Variants in KCNH5 observed in about 807,000 individuals in gnomAD.
KCNH5 encodes the protein potassium voltage-gated channel subfamily H member 5, also known as voltage-gated delayed rectifier potassium channel KCNH5.
In KCNH5, 46 loss-of-function variants were observed where a neutral mutation model predicts 96.1. The observed-to-expected ratio is 0.48, with a 90% confidence interval of 0.38 to 0.61. The LOEUF is 0.61. Among genes scored for constraint, KCNH5 ranks in the 20% least tolerant of loss-of-function variants. The pLI is 0.00. For synonymous variants in KCNH5, 439 were observed against 449.8 expected (o/e 0.98, Z 0.30); for missense variants, 907 against 1,225.8 (o/e 0.74, Z 3.88).
Position 62,986,936 on chromosome 14 carries a change from T to C in KCNH5, c.549+136A>G, listed in dbSNP as rs560415761. 19 of 644,584 alleles carry C rather than the reference T, an allele frequency of 2.9e-5. No homozygotes were observed. In the South Asian group the frequency reaches 3.4e-4, roughly 12 times the overall value. 39.9% of individuals were successfully genotyped at this position (644,584 alleles called of 1,614,324 possible). On this transcript the variant is annotated intron_variant, in intron 5 of 10. Transcript: ENST00000322893. ...AATAGAAATATTTGGGATTTCTATA[T>C]TTCTACAAGGGAAACATAAATTATC...
chr14:62,902,813 G>A (rs1016940982), intron 7 of KCNH5, among the ~76,000 whole-genome samples: 1 of 151,752 alleles, frequency 6.6e-6, no homozygotes. Flanking sequence ...TCTACCTCCA[G>A]GGTTCAAGCG....
chr14:62,981,331 T>C, intron 5 of KCNH5, 67 bp from the exon 6 acceptor site: 1 of 1,479,432 alleles, frequency 6.8e-7, no homozygotes, highest in Non-Finnish European at 9.3e-7. Context: ...TGAATTCAAA[T>C]CTACTGGCAG....
chr14:62,892,673 G>A (rs1336407963), intron 7 of KCNH5, among the ~76,000 whole-genome samples: 2 of 152,190 alleles, frequency 1.3e-5, no homozygotes, highest in African/African-American at 2.4e-5. Context: ...AGTTAATGCA[G>A]CCAGTGACTT....
chr14:62,938,808 G>A (rs1014064280), intron 7 of KCNH5, among the ~76,000 whole-genome samples: 8 of 152,276 alleles, frequency 5.3e-5, no homozygotes, highest in East Asian at 1.9e-4. Flanking sequence ...TGACTAAAAC[G>A]TCTGTTCTAA....
In KCNH5 at chr14:62,707,590, G is replaced by T. The variant is rs1315039700; in HGVS notation, c.2885C>A (p.Pro962His). 2.0e-6 allele frequency: 3 copies of T among 1,532,948 alleles called. No homozygotes were observed. The highest frequency in any genetic ancestry group is 2.0e-5 in the Admixed American group (1 of 49,910). 95.0% of individuals were successfully genotyped at this position (1,532,948 alleles called of 1,614,324 possible). ...SPKSQMPLQVPPQIPCQDIFS... is the reference protein window; with the variant it reads ...SPKSQMPLQVHPQIPCQDIFS... ...AATATCCTGACATGGTATCTGGGGGGGTACTTGGAGTGGCATTTGGGATTT... is the reference window on the plus strand; with the variant it reads ...AATATCCTGACATGGTATCTGGGGGTGTACTTGGAGTGGCATTTGGGATTT... The change falls in exon 11 of 11, where the codon CCC (proline) becomes CAC (histidine). Residue 962 changes from proline (P) to histidine (H), a missense_variant. Physicochemically the swap from Pro to His is moderately conservative, Grantham distance 77. This residue lies in a region of KCNH5 where 362 missense variants were observed against 394.4 expected (regional missense o/e 0.92). Transcript: ENST00000322893.
chr14:62,780,995 T>C (rs2139976849), intron 9 of KCNH5, among the ~76,000 whole-genome samples: 1 of 151,530 alleles, frequency 6.6e-6, no homozygotes, highest in South Asian at 2.1e-4. Context: ...CAGATTAAAA[T>C]CAGAACTAAC....
At chr14:63,036,202 A>T (rs1372248985) in intron 1 of KCNH5, among the ~76,000 whole-genome samples, 1 of 152,218 alleles carries the variant, frequency 6.6e-6, no homozygotes, top group African/African-American at 2.4e-5. Flanking sequence ...TTAATGAGGC[A>T]GCTCTTTCCT....
chr14:62,967,073 T>C (rs1409617982), intron 6 of KCNH5, among the ~76,000 whole-genome samples: 1 of 152,122 alleles, frequency 6.6e-6, no homozygotes, highest in East Asian at 1.9e-4. Flanking sequence ...ATCTAATACT[T>C]CTAATAACAA....
intron 10 of KCNH5, among the ~76,000 whole-genome samples, chr14:62,745,398 G>A (rs1480680107): frequency 6.6e-6 from 1 of 152,136 alleles, no homozygotes; most frequent in African/African-American, 2.4e-5. Flanking sequence ...AGTATTAAGT[G>A]GAGTCTAACT....
intron 10 of KCNH5, among the ~76,000 whole-genome samples, chr14:62,729,490 A>G (rs1318903940): frequency 6.6e-6 from 1 of 152,184 alleles, no homozygotes; most frequent in African/African-American, 2.4e-5. Context: ...CATGTCTCAA[A>G]ACAACTATTG....
intron 1 of KCNH5, among the ~76,000 whole-genome samples, chr14:63,020,581 T>C (rs1891407344): frequency 1.3e-5 from 2 of 152,104 alleles, no homozygotes; most frequent in African/African-American, 4.8e-5. Context: ...GAAGCTTAAA[T>C]ATAGGGAAAA....
intron 7 of KCNH5, among the ~76,000 whole-genome samples, chr14:62,866,518 G>T (rs1027650598): frequency 2.7e-4 from 41 of 152,096 alleles, no homozygotes; most frequent in Admixed American, 6.6e-5. Flanking sequence ...ATTCTACCGG[G>T]CACATCATTG....
At chr14:62,963,967 A>G (rs1890259799) in intron 6 of KCNH5, among the ~76,000 whole-genome samples, 1 of 152,098 alleles carries the variant, frequency 6.6e-6, no homozygotes, top group East Asian at 1.9e-4. Flanking sequence ...TTTTTCAACA[A>G]TTTTAATGAC....
chr14:62,975,080 G>A (rs1188181870), intron 6 of KCNH5, among the ~76,000 whole-genome samples: 1 of 151,996 alleles, frequency 6.6e-6, no homozygotes, highest in Admixed American at 6.6e-5. Context: ...TTTACATCAT[G>A]GAAACTGAGA....
intron 9 of KCNH5, among the ~76,000 whole-genome samples, chr14:62,795,551 C>T (rs1336595473): frequency 6.6e-6 from 1 of 152,100 alleles, no homozygotes; most frequent in Non-Finnish European, 1.5e-5. Flanking sequence ...GCAAATACTA[C>T]ACCATTTTAC....
chr14:62,982,284 G>T (rs1890624521), intron 5 of KCNH5, among the ~76,000 whole-genome samples: 1 of 152,058 alleles, frequency 6.6e-6, no homozygotes, highest in Non-Finnish European at 1.5e-5. Context: ...AACTGAGATT[G>T]TGCCACTGCA....
intron 5 of KCNH5, among the ~76,000 whole-genome samples, chr14:62,982,185 T>C (rs572263881): frequency 7.9e-5 from 12 of 152,080 alleles, no homozygotes; most frequent in Non-Finnish European, 1.3e-4. Flanking sequence ...AAATATTAGA[T>C]GGGCGTGGTG....
At chr14:62,776,300 T>A (rs563451784) in intron 10 of KCNH5, among the ~76,000 whole-genome samples, 1 of 151,602 alleles carries the variant, frequency 6.6e-6, no homozygotes, top group Admixed American at 6.6e-5. Context: ...CATGAGTGAC[T>A]TGGTGCCCTT....
chr14:62,871,828 C>T (rs536963675), intron 7 of KCNH5, among the ~76,000 whole-genome samples: 1 of 152,180 alleles, frequency 6.6e-6, no homozygotes, highest in East Asian at 1.9e-4. Flanking sequence ...GGTGGCTCTG[C>T]CTACATATCT....
Sources: gnomAD v4.1 joint callset for allele counts (sites outside exome capture counted in the v4.1 genomes callset) on GRCh38, gnomAD v4.1.1 for gene constraint, gnomAD v4.1.1 regional missense constraint, MANE v1.5 for transcripts, NCBI Gene and HGNC (gene_info 2026-07-23, HGNC 2026-07-21) for gene names.